GALK2: variants seen among roughly 807,000 people sequenced by gnomAD.
GALK2 encodes N-acetylgalactosamine kinase.
A neutral mutation model predicts 52.4 loss-of-function variants in GALK2; 36 were observed. The observed-to-expected ratio is 0.69, with a 90% confidence interval of 0.53 to 0.91. GALK2 has a LOEUF of 0.91. Ranked by LOEUF, GALK2 falls within the 40% of genes least tolerant of loss-of-function variation. The pLI is 0.00. For missense variants in GALK2, 579 were observed against 559.1 expected (o/e 1.04, Z -0.36); for synonymous variants, 176 against 199.1 (o/e 0.88, Z 0.98).
intron 1 of GALK2, chr15:49,177,795 A>G: frequency 2.1e-6 from 1 of 467,172 alleles, no homozygotes; most frequent in Non-Finnish European, 3.8e-6. Context: ...TTCTGACAGC[A>G]TTATGGAGTG....
intron 3 of GALK2, chr15:49,365,545 G>A (rs1306743285): frequency 4.6e-6 from 4 of 875,104 alleles, no homozygotes; most frequent in Non-Finnish European, 5.9e-6. Context: ...CAATGTTTCA[G>A]TATTTTCAAA....
At chr15:49,234,513 C>T (rs1202202718) in intron 3 of GALK2, among the ~76,000 whole-genome samples, 1 of 152,172 alleles carries the variant, frequency 6.6e-6, no homozygotes, top group Non-Finnish European at 1.5e-5. Flanking sequence ...GCCTCACAAT[C>T]ATGGCAGAAA....
At chr15:49,195,818 C>CTT (rs200025072) in intron 1 of GALK2, among the ~76,000 whole-genome samples, 36 of 138,602 alleles carry the variant, frequency 2.6e-4, no homozygotes, top group African/African-American at 8.9e-4. Context: ...AAGAGAGGGG[C>CTT]TTTTTTTTTT....
At chr15:49,334,672 C>T (rs1411563305), downstream of GALK2, among the ~76,000 whole-genome samples, 6 of 152,072 alleles carry the variant, frequency 3.9e-5, no homozygotes, top group South Asian at 2.1e-4. Context: ...AAAGCAGGGG[C>T]GCAGGCTTTT....
At chr15:49,173,613 C>T (rs1441859739) in intron 1 of GALK2, among the ~76,000 whole-genome samples, 4 of 151,746 alleles carry the variant, frequency 2.6e-5, no homozygotes, top group Non-Finnish European at 4.4e-5. Context: ...ATCATTGTTA[C>T]TATATTTTAT....
chr15:49,254,799 CT>C (rs2091745041), intron 5 of GALK2, among the ~76,000 whole-genome samples: 1 of 143,732 alleles, frequency 7.0e-6, no homozygotes, highest in Non-Finnish European at 1.6e-5. Flanking sequence ...ATATTGTTAC[CT>C]ATTGACAGCG....
chr15:49,358,301 C>T (rs975646835), intron 3 of GALK2, among the ~76,000 whole-genome samples: 5 of 124,128 alleles, frequency 4.0e-5, no homozygotes, highest in Non-Finnish European at 8.9e-5. Flanking sequence ...CAAATTGTCC[C>T]TGTTTGCAGA....
At chr15:49,301,390 A>G (rs1288302544) in intron 8 of GALK2, among the ~76,000 whole-genome samples, 1 of 152,158 alleles carries the variant, frequency 6.6e-6, no homozygotes, top group African/African-American at 2.4e-5. Flanking sequence ...ACAGGTAGGA[A>G]TTGTCTAAGG....
At chr15:49,170,219 T>C, upstream of GALK2, 1 of 1,527,450 alleles carries the variant, frequency 6.5e-7, no homozygotes, top group Non-Finnish European at 8.8e-7. Context: ...GGGAGCTGTT[T>C]ATCTCCCGGA....
chr15:49,241,276 C>A (rs1229553846), intron 5 of GALK2, among the ~76,000 whole-genome samples: 1 of 151,866 alleles, frequency 6.6e-6, no homozygotes. Flanking sequence ...GTTTTTGAAG[C>A]CATAGGAGTG....
rs748150281 is a variant in GALK2 at position 49,217,260 on chromosome 15, A to G, written c.213A>G (p.Val71=). The change falls in exon 3 of 10, where the codon GTA becomes GTG. Residue 71 remains valine, a synonymous_variant. Transcript: ENST00000560031. ...TAGAACAAGATGTGCTAATAGCTGT[A>G]GAACCTGTGAAAACGTACGCTCTCC... ...MAVEQDVLIA[V]EPVKTYALQL... The G allele has an allele frequency of 6.2e-7, 1 of 1,613,574 alleles. No homozygotes were observed.
At chr15:49,255,206 G>A (rs1322636416) in intron 5 of GALK2, among the ~76,000 whole-genome samples, 1 of 141,808 alleles carries the variant, frequency 7.1e-6, no homozygotes, top group African/African-American at 2.5e-5. Flanking sequence ...TCTTTTTCTT[G>A]TTCTTTTTCT....
At chr15:49,266,524 A>C (rs771641556) in intron 5 of GALK2, among the ~76,000 whole-genome samples, 3 of 152,154 alleles carry the variant, frequency 2.0e-5, no homozygotes, top group Non-Finnish European at 2.9e-5. Context: ...CATTCTTCTT[A>C]ATCTTCAGAC....
At chr15:49,201,742 A>G (rs1347241925) in intron 2 of GALK2, among the ~76,000 whole-genome samples, 1 of 152,168 alleles carries the variant, frequency 6.6e-6, no homozygotes, top group East Asian at 1.9e-4. Context: ...ACCTTTCAAC[A>G]TTTTGTTTAC....
chr15:49,334,287 TTTTCCC>T (rs2039312438), downstream of GALK2: 1 of 970,716 alleles, frequency 1.0e-6, no homozygotes, highest in Non-Finnish European at 1.2e-6. Flanking sequence ...AATTCTGAGC[TTTTCCC>T]TATAAAGTTA....
At chr15:49,211,286 C>G (rs1021467730) in intron 2 of GALK2, among the ~76,000 whole-genome samples, 5 of 152,200 alleles carry the variant, frequency 3.3e-5, no homozygotes, top group African/African-American at 1.2e-4. Flanking sequence ...GACCTTTACT[C>G]TAGTTCTCAA....
At chr15:49,222,622 A>G (rs911795271) in intron 3 of GALK2, among the ~76,000 whole-genome samples, 3 of 152,206 alleles carry the variant, frequency 2.0e-5, no homozygotes, top group Non-Finnish European at 4.4e-5. Flanking sequence ...ATTTTATTAC[A>G]TGCTTTCTCT....
intron 1 of GALK2, among the ~76,000 whole-genome samples, chr15:49,194,837 C>T (rs1043901885): frequency 1.1e-4 from 16 of 151,698 alleles, no homozygotes; most frequent in African/African-American, 3.1e-4. Context: ...TCAGGTGATC[C>T]GCCTGCCTTG....
intron 1 of GALK2, among the ~76,000 whole-genome samples, chr15:49,182,168 A>G (rs2086023709): frequency 6.6e-6 from 1 of 152,176 alleles, no homozygotes. Flanking sequence ...ACCTCTGGTA[A>G]CCATCATTCT....
Sources: allele counts gnomAD v4.1 joint callset (sites outside exome capture counted in the v4.1 genomes callset), GRCh38; gene constraint gnomAD v4.1.1; transcripts MANE v1.5; gene names NCBI Gene and HGNC (gene_info 2026-07-23, HGNC 2026-07-21).